The following SOX5 variants were observed in gnomAD, a reference collection of about 807,000 sequenced individuals.
The protein encoded by SOX5 is SRY-box transcription factor 5, also known as transcription factor SOX-5.
In SOX5, 9 loss-of-function variants were observed where a neutral mutation model predicts 92.0. The ratio of observed to expected loss-of-function variants is 0.10; its 90% CI spans 0.06 to 0.17. SOX5 has a LOEUF of 0.17. SOX5 is among the 10% of genes least tolerant of loss of function. The probability of loss-of-function intolerance (pLI) is 1.00; values close to 1 mark genes in which losing one functional copy is unlikely to be tolerated. For missense variants in SOX5, 642 were observed against 944.5 expected, an observed-to-expected ratio of 0.68 and a Z score of 4.20; for synonymous variants, 344 against 336.3, an observed-to-expected ratio of 1.02 and a Z score of -0.25.
chr12:24,002,649 T>C (rs1466482505), intron 4 of SOX5, among the ~76,000 whole-genome samples: 1 of 151,426 alleles, frequency 6.6e-6, no homozygotes, highest in Non-Finnish European at 1.5e-5. Context: ...AGGGAGTATG[T>C]TTAATATTTC....
chr12:24,035,182 A>G (rs1468829167), intron 4 of SOX5, among the ~76,000 whole-genome samples: 1 of 152,160 alleles, frequency 6.6e-6, no homozygotes, highest in Non-Finnish European at 1.5e-5. Context: ...AAAACTTGAT[A>G]TAGTTATTTT....
At chr12:24,290,040 T>G (rs895707158) in intron 2 of SOX5, among the ~76,000 whole-genome samples, 3 of 152,216 alleles carry the variant, frequency 2.0e-5, no homozygotes, top group Non-Finnish European at 4.4e-5. Context: ...TTGTGAGTAC[T>G]AAACTTTCCT....
chr12:24,376,754 T>G (rs1957323208), intron 1 of SOX5, among the ~76,000 whole-genome samples: 1 of 129,506 alleles, frequency 7.7e-6, no homozygotes, highest in Non-Finnish European at 1.6e-5. Flanking sequence ...TCACCCAGGC[T>G]GGAGTATAGT....
At chr12:24,060,884 C>G (rs557963009) in intron 4 of SOX5, among the ~76,000 whole-genome samples, 1 of 152,192 alleles carries the variant, frequency 6.6e-6, no homozygotes, top group Non-Finnish European at 1.5e-5. Context: ...ACGATGACAG[C>G]AACTGAGCCC....
At chr12:24,423,098 T>C (rs566951817) in intron 1 of SOX5, among the ~76,000 whole-genome samples, 1 of 152,348 alleles carries the variant, frequency 6.6e-6, no homozygotes, top group South Asian at 2.1e-4. Context: ...AAATTATGGC[T>C]AATATCAGAA....
chr12:23,615,583 A>T (rs1321078053), intron 8 of SOX5, among the ~76,000 whole-genome samples: 1 of 152,150 alleles, frequency 6.6e-6, no homozygotes, highest in Non-Finnish European at 1.5e-5. Flanking sequence ...TCTCACTTAT[A>T]GGTGAGAACA....
chr12:23,845,365 C>T (rs1293010201), intron 3 of SOX5, among the ~76,000 whole-genome samples: 1 of 152,124 alleles, frequency 6.6e-6, no homozygotes, highest in Non-Finnish European at 1.5e-5. Context: ...ATTTTATTGG[C>T]TTGTTTGCTT....
chr12:23,615,997 T>C (rs2076512430), intron 8 of SOX5, among the ~76,000 whole-genome samples: 1 of 152,214 alleles, frequency 6.6e-6, no homozygotes, highest in Admixed American at 6.5e-5. Flanking sequence ...ACCTCTCAAA[T>C]GAATTTTTTA....
At chr12:24,434,966 T>C (rs552712612) in intron 1 of SOX5, among the ~76,000 whole-genome samples, 1 of 152,346 alleles carries the variant, frequency 6.6e-6, no homozygotes, top group East Asian at 1.9e-4. Context: ...TTTGCTTGCA[T>C]CCTTTCTCTC....
chr12:24,255,105 T>C (rs1940919459), intron 3 of SOX5, among the ~76,000 whole-genome samples: 1 of 152,144 alleles, frequency 6.6e-6, no homozygotes, highest in Non-Finnish European at 1.5e-5. Context: ...CCTAAATCAG[T>C]ATTTCTCCAG....
At chr12:24,210,472 G>A (rs1273694009) in intron 4 of SOX5, among the ~76,000 whole-genome samples, 1 of 152,180 alleles carries the variant, frequency 6.6e-6, no homozygotes, top group Non-Finnish European at 1.5e-5. Context: ...TAATAAAAGA[G>A]TTACATAATT....
At chr12:24,257,839 T>C (rs1280312026) in intron 3 of SOX5, among the ~76,000 whole-genome samples, 2 of 152,050 alleles carry the variant, frequency 1.3e-5, no homozygotes, top group African/African-American at 4.8e-5. Context: ...CTTTTAATTG[T>C]ACAACTAGTG....
chr12:24,319,984 T>C (rs1181653993), intron 2 of SOX5, among the ~76,000 whole-genome samples: 1 of 152,246 alleles, frequency 6.6e-6, no homozygotes, highest in Non-Finnish European at 1.5e-5. Context: ...TTATCACTCA[T>C]GTCATGGTTG....
chr12:23,643,363 A>G (rs2080378119), intron 7 of SOX5, among the ~76,000 whole-genome samples: 1 of 152,204 alleles, frequency 6.6e-6, no homozygotes, highest in African/African-American at 2.4e-5. Flanking sequence ...GGGAAGGAAC[A>G]AAGAGTTCTG....
chr12:24,127,403 A>AATG (rs1555116887), intron 4 of SOX5, among the ~76,000 whole-genome samples: 2 of 81,058 alleles, frequency 2.5e-5, no homozygotes, highest in East Asian at 4.2e-4. Flanking sequence ...TAATAATAAT[A>AATG]ATGATAATAA....
At chr12:23,929,137 T>C (rs1841664856) in intron 1 of SOX5, among the ~76,000 whole-genome samples, 2 of 152,076 alleles carry the variant, frequency 1.3e-5, no homozygotes, top group African/African-American at 4.8e-5. Context: ...AGAAGAGATT[T>C]TGAATTATCT....
chr12:24,010,077 A>G (rs1045191686), intron 4 of SOX5, among the ~76,000 whole-genome samples: 1 of 152,244 alleles, frequency 6.6e-6, no homozygotes, highest in Non-Finnish European at 1.5e-5. Flanking sequence ...CAGTAGAAAT[A>G]TAACAATTTT....
intron 6 of SOX5, among the ~76,000 whole-genome samples, chr12:23,709,801 A>G (rs1315324796): frequency 6.6e-6 from 1 of 152,238 alleles, no homozygotes; most frequent in East Asian, 1.9e-4. Flanking sequence ...AAATCATACT[A>G]GTATCAACGT....
chr12:23,933,037 G>A (rs1455769106), intron 1 of SOX5, among the ~76,000 whole-genome samples: 1 of 151,604 alleles, frequency 6.6e-6, no homozygotes. Flanking sequence ...ACACTGATGT[G>A]TACTTTTGTC....
Sources: allele counts gnomAD v4.1 joint callset (sites outside exome capture counted in the v4.1 genomes callset), GRCh38; gene constraint gnomAD v4.1.1; transcripts MANE v1.5; gene names NCBI Gene and HGNC (gene_info 2026-07-23, HGNC 2026-07-21).